The following PTPRD variants were observed in gnomAD, a reference collection of about 807,000 sequenced individuals.
PTPRD encodes the protein protein tyrosine phosphatase receptor type D, also known as receptor-type tyrosine-protein phosphatase delta.
PTPRD carries 34 observed loss-of-function variants against 214.5 expected under a neutral mutation model. The observed-to-expected ratio is 0.16, with a 90% CI of 0.12 to 0.21. The LOEUF is 0.21. Ranked by LOEUF, PTPRD falls within the 10% of genes least tolerant of loss-of-function variation. PTPRD has a pLI of 1.00. For synonymous variants in PTPRD, 1,128 were observed against 845.7 expected (o/e 1.33, Z -5.79); for missense variants, 2,545 against 2,398.7 (o/e 1.06, Z -1.27).
At chr9:8,902,559 G>A (rs2098678647) in intron 11 of PTPRD, among the ~76,000 whole-genome samples, 2 of 151,844 alleles carry the variant, frequency 1.3e-5, no homozygotes, top group Non-Finnish European at 2.9e-5. Context: ...TGGCCAGGCT[G>A]GTGTTGAATT....
intron 9 of PTPRD, among the ~76,000 whole-genome samples, chr9:9,285,156 C>T (rs577516916): frequency 1.3e-5 from 2 of 151,878 alleles, no homozygotes; most frequent in South Asian, 4.1e-4. Flanking sequence ...TATTCTTTTA[C>T]AATGGAAAAT....
chr9:10,318,054 T>A (rs1383067202), intron 3 of PTPRD, among the ~76,000 whole-genome samples: 1 of 152,064 alleles, frequency 6.6e-6, no homozygotes, highest in Non-Finnish European at 1.5e-5. Context: ...TGCTACGTTT[T>A]TTCCCCTAGT....
chr9:10,151,689 C>T (rs1208280896), intron 3 of PTPRD, among the ~76,000 whole-genome samples: 3 of 152,096 alleles, frequency 2.0e-5, no homozygotes, highest in African/African-American at 7.2e-5. Context: ...CCACCACAAT[C>T]AAGATATTAA....
At chr9:9,928,079 T>C (rs1056044682) in intron 5 of PTPRD, among the ~76,000 whole-genome samples, 10 of 152,160 alleles carry the variant, frequency 6.6e-5, no homozygotes, top group Non-Finnish European at 2.9e-5. Flanking sequence ...CAATATTTTA[T>C]TACACTTTGA....
chr9:10,386,590 T>A (rs192743343), intron 2 of PTPRD, among the ~76,000 whole-genome samples: 8 of 151,822 alleles, frequency 5.3e-5, no homozygotes, highest in African/African-American at 1.9e-4. Flanking sequence ...TTTAGGAGGT[T>A]GTAGACCATT....
chr9:10,174,446 T>C (rs1473633183), intron 3 of PTPRD, among the ~76,000 whole-genome samples: 1 of 152,156 alleles, frequency 6.6e-6, no homozygotes, highest in Non-Finnish European at 1.5e-5. Context: ...TCAACAGAAA[T>C]AGGGGCCCAA....
At chr9:10,468,810 G>C (rs573387608) in intron 2 of PTPRD, among the ~76,000 whole-genome samples, 2 of 151,978 alleles carry the variant, frequency 1.3e-5, no homozygotes, top group African/African-American at 4.8e-5. Flanking sequence ...ATGGTTACTA[G>C]GAAGGCAAAA....
intron 9 of PTPRD, among the ~76,000 whole-genome samples, chr9:9,332,977 AT>A (rs1374684077): frequency 2.6e-5 from 4 of 151,994 alleles, no homozygotes; most frequent in Non-Finnish European, 5.9e-5. Flanking sequence ...ATCTAAAGTG[AT>A]TGTTAGATAT....
intron 7 of PTPRD, among the ~76,000 whole-genome samples, chr9:9,635,400 G>A (rs1024652738): frequency 3.3e-5 from 5 of 152,122 alleles, no homozygotes; most frequent in South Asian, 2.1e-4. Flanking sequence ...AGTGGCTCCC[G>A]AACTTTATTG....
chr9:8,454,230 A>C (rs1470837562), intron 33 of PTPRD, among the ~76,000 whole-genome samples: 1 of 152,194 alleles, frequency 6.6e-6, no homozygotes, highest in Non-Finnish European at 1.5e-5. Flanking sequence ...AAAACAAACA[A>C]AACAAAACAA....
rs1030342069 is a variant in PTPRD at position 10,068,466 on chromosome 9, C to T, written c.-544-34676G>A. ...CCTGGTCCTTTGGATTGGTCTGCTA[C>T]ACATTCCATGCCCTTTCACACACAA... On this transcript the variant is annotated intron_variant, in intron 3 of 45. Coordinates refer to ENST00000381196, the MANE Select transcript of PTPRD (RefSeq NM_002839.4). Among the ~76,000 whole-genome samples the T allele has an allele frequency of 3.9e-5, 6 of 151,942 alleles. No homozygotes were observed. The Admixed American group carries it at 3.9e-4, about 10-fold the overall frequency.
intron 8 of PTPRD, among the ~76,000 whole-genome samples, chr9:9,471,401 G>C (rs974402513): frequency 3.9e-4 from 59 of 151,982 alleles, no homozygotes; most frequent in African/African-American, 1.4e-3. Context: ...TATTTCATTG[G>C]TGACTTAATA....
chr9:9,768,466 GTTTCA>G (rs1407934786), intron 5 of PTPRD, among the ~76,000 whole-genome samples: 1 of 152,046 alleles, frequency 6.6e-6, no homozygotes, highest in African/African-American at 2.4e-5. Context: ...CTTAGCTTAT[GTTTCA>G]TTTCTTCTCT....
At chr9:8,573,931 C>T (rs1433898794) in intron 14 of PTPRD, among the ~76,000 whole-genome samples, 1 of 151,902 alleles carries the variant, frequency 6.6e-6, no homozygotes, top group Non-Finnish European at 1.5e-5. Context: ...TTCTCTAATG[C>T]ATATTTTAAC....
intron 12 of PTPRD, among the ~76,000 whole-genome samples, chr9:8,643,504 G>C (rs944133008): frequency 6.6e-6 from 1 of 152,182 alleles, no homozygotes; most frequent in East Asian, 1.9e-4. Context: ...AGGCCATGTG[G>C]AGCGGCCACT....
intron 9 of PTPRD, among the ~76,000 whole-genome samples, chr9:9,363,010 A>C (rs2056724964): frequency 6.6e-6 from 1 of 151,226 alleles, no homozygotes; most frequent in African/African-American, 2.4e-5. Flanking sequence ...CCAGTTTATT[A>C]AATACTATTA....
intron 3 of PTPRD, among the ~76,000 whole-genome samples, chr9:10,094,209 A>AT (rs2098461048): frequency 6.6e-6 from 1 of 151,406 alleles, no homozygotes; most frequent in Non-Finnish European, 1.5e-5. Context: ...TATCCTATTT[A>AT]TTTAAAATAA....
chr9:10,454,956 T>C (rs1386183867), intron 2 of PTPRD, among the ~76,000 whole-genome samples: 1 of 151,734 alleles, frequency 6.6e-6, no homozygotes, highest in African/African-American at 2.4e-5. Flanking sequence ...AAATTAAAGT[T>C]GAGAGGACAA....
chr9:8,489,851 C>T (rs1432051895), intron 27 of PTPRD, among the ~76,000 whole-genome samples: 2 of 152,224 alleles, frequency 1.3e-5, no homozygotes, highest in African/African-American at 4.8e-5. Context: ...AGGTATCAAA[C>T]ATTTACCAAC....
Sources: gnomAD v4.1 joint callset for allele counts (sites outside exome capture counted in the v4.1 genomes callset) on GRCh38, gnomAD v4.1.1 for gene constraint, MANE v1.5 for transcripts, NCBI Gene and HGNC (gene_info 2026-07-23, HGNC 2026-07-21) for gene names.